Variants in DGKI observed in about 807,000 individuals in gnomAD.
The protein encoded by DGKI is DAG kinase iota.
DGKI carries 55 observed loss-of-function variants against 147.5 expected under a neutral mutation model. That is an observed-to-expected ratio of 0.37 (90% CI 0.30 to 0.47). The LOEUF is 0.47. Ranked by LOEUF, DGKI falls within the 20% of genes least tolerant of loss-of-function variation. DGKI has a pLI of 1.00. For missense variants in DGKI, 1,007 were observed against 1,323.8 expected (o/e 0.76, Z 3.71); for synonymous variants, 469 against 477.1 (o/e 0.98, Z 0.22).
rs563726747 is a variant in DGKI, at chr7:137,650,838, G to T, written c.738+3894C>A. 1.6e-4 allele frequency among the ~76,000 whole-genome samples: 24 copies of T among 152,304 alleles called. No homozygotes were observed. The South Asian group carries it at 3.7e-3, about 24-fold the overall frequency. ...GACTAAGACAATGGCTGAGGGGGAT[G>T]ATATTTGAACTGAGGCCTAACTGTA... On this transcript the variant is annotated intron_variant, in intron 5 of 32. Transcript: ENST00000614521.
intron 28 of DGKI, among the ~76,000 whole-genome samples, chr7:137,419,428 T>TATCTCTGCATAGCAGAGGC: frequency 6.6e-6 from 1 of 152,336 alleles, no homozygotes; most frequent in Middle Eastern, 3.4e-3. Context: ...AGATACATAT[T>TATCTCTGCATAGCAGAGGC]TCTGCATAGC....
At chr7:137,520,486 T>C (rs1816924800) in intron 21 of DGKI, among the ~76,000 whole-genome samples, 1 of 152,048 alleles carries the variant, frequency 6.6e-6, no homozygotes, top group African/African-American at 2.4e-5. Context: ...GAAAATGTAA[T>C]ATGTTGTTTA....
At chr7:137,506,813 CAAG>C (rs1365890074) in intron 21 of DGKI, among the ~76,000 whole-genome samples, 5 of 151,814 alleles carry the variant, frequency 3.3e-5, no homozygotes, top group African/African-American at 7.3e-5. Flanking sequence ...ACAGAAAAAT[CAAG>C]AGAAAAAGAA....
intron 1 of DGKI, among the ~76,000 whole-genome samples, chr7:137,731,284 C>A (rs1794877888): frequency 1.3e-5 from 2 of 152,076 alleles, no homozygotes; most frequent in South Asian, 4.1e-4. Flanking sequence ...TTATAATTCT[C>A]TAGATTATTG....
intron 2 of DGKI, among the ~76,000 whole-genome samples, chr7:137,688,209 T>G (rs1490355367): frequency 6.6e-6 from 1 of 152,192 alleles, no homozygotes; most frequent in East Asian, 1.9e-4. Flanking sequence ...GCCCACAGGA[T>G]TCTAAGACCC....
chr7:137,531,753 G>A (rs567001243), intron 20 of DGKI, among the ~76,000 whole-genome samples: 10 of 152,162 alleles, frequency 6.6e-5, no homozygotes, highest in African/African-American at 1.4e-4. Context: ...ATTCACTTTC[G>A]TTGCTAAAAA....
chr7:137,609,156 A>T, intron 9 of DGKI, 92 bp from the exon 10 acceptor site: 1 of 946,412 alleles, frequency 1.1e-6, no homozygotes, highest in African/African-American at 1.9e-5. Flanking sequence ...CCAATAATAC[A>T]TTTTGTTTCC....
intron 1 of DGKI, among the ~76,000 whole-genome samples, chr7:137,832,216 G>A (rs1031708093): frequency 6.6e-6 from 1 of 152,246 alleles, no homozygotes; most frequent in Non-Finnish European, 1.5e-5. Context: ...TCTTCTCACA[G>A]CTTCAATAGG....
At chr7:137,805,814 C>T (rs1395051977) in intron 1 of DGKI, among the ~76,000 whole-genome samples, 1 of 152,158 alleles carries the variant, frequency 6.6e-6, no homozygotes, top group African/African-American at 2.4e-5. Flanking sequence ...AAGGTTCATG[C>T]TCTCATTTTC....
intron 28 of DGKI, among the ~76,000 whole-genome samples, chr7:137,424,435 G>A (rs534851596): frequency 1.4e-4 from 22 of 152,184 alleles, no homozygotes; most frequent in African/African-American, 3.9e-4. Flanking sequence ...GAACAGCTCC[G>A]GTCTACAGCT....
chr7:137,562,948 C>A (rs1419266268), intron 19 of DGKI, among the ~76,000 whole-genome samples: 4 of 152,020 alleles, frequency 2.6e-5, no homozygotes, highest in Non-Finnish European at 5.9e-5. Context: ...AAAACCCAAT[C>A]AAATTATGCA....
intron 20 of DGKI, among the ~76,000 whole-genome samples, chr7:137,534,147 ATTATTTGGATTAT>A (rs1305940599): frequency 1.3e-5 from 2 of 152,184 alleles, no homozygotes; most frequent in Middle Eastern, 6.8e-3. Flanking sequence ...AAATAATTGG[ATTATTTGGATTAT>A]TTGTTTGGAA....
At chr7:137,499,688 A>T (rs1381883004) in intron 21 of DGKI, among the ~76,000 whole-genome samples, 1 of 152,102 alleles carries the variant, frequency 6.6e-6, no homozygotes, top group African/African-American at 2.4e-5. Flanking sequence ...AGACTGGAAG[A>T]TATACCACCA....
chr7:137,831,295 AAGACTGATGATCT>A (rs1325046083), intron 1 of DGKI, among the ~76,000 whole-genome samples: 1 of 152,226 alleles, frequency 6.6e-6, no homozygotes, highest in Admixed American at 6.5e-5. Flanking sequence ...AATGAATAGA[AAGACTGATGATCT>A]GTATTAGTCC....
At chr7:137,582,023 T>A in intron 14 of DGKI, 95 bp from the exon 15 acceptor site, 1 of 929,536 alleles carries the variant, frequency 1.1e-6, no homozygotes, top group Non-Finnish European at 1.7e-6. Context: ...TCTGAAGAAG[T>A]CCCTAGGAGA....
intron 3 of DGKI, among the ~76,000 whole-genome samples, chr7:137,676,259 A>C (rs1447506889): frequency 1.3e-5 from 2 of 152,222 alleles, no homozygotes; most frequent in African/African-American, 4.8e-5. Flanking sequence ...AATCTTTGCT[A>C]ATTTAATAGG....
intron 21 of DGKI, among the ~76,000 whole-genome samples, chr7:137,506,051 G>A (rs926716478): frequency 6.6e-6 from 1 of 152,134 alleles, no homozygotes; most frequent in African/African-American, 2.4e-5. Flanking sequence ...CAGCTTGGCA[G>A]TTTCTCACAA....
At chr7:137,508,493 TG>T (rs911908197) in intron 21 of DGKI, among the ~76,000 whole-genome samples, 5 of 152,258 alleles carry the variant, frequency 3.3e-5, no homozygotes, top group African/African-American at 9.6e-5. Flanking sequence ...CCCAAAGTGC[TG>T]GGATTACAGG....
chr7:137,698,387 G>A (rs2116497067), intron 1 of DGKI, among the ~76,000 whole-genome samples: 1 of 152,310 alleles, frequency 6.6e-6, no homozygotes, highest in African/African-American at 2.4e-5. Context: ...GATTAGCAGA[G>A]TGAGAAGCTG....
Sources: allele counts gnomAD v4.1 joint callset (sites outside exome capture counted in the v4.1 genomes callset), GRCh38; gene constraint gnomAD v4.1.1; transcripts MANE v1.5; gene names NCBI Gene and HGNC (gene_info 2026-07-23, HGNC 2026-07-21).